STK3: variants seen among roughly 807,000 people sequenced by gnomAD.
The protein encoded by STK3 is serine/threonine-protein kinase 3.
In STK3, 41 loss-of-function variants were observed where a neutral mutation model predicts 58.0. That is an observed-to-expected ratio of 0.71 (90% CI 0.55 to 0.92). The LOEUF is 0.92. STK3 is among the 40% of genes least tolerant of loss of function. The pLI is 0.00. For missense variants in STK3, 479 were observed against 602.7 expected (o/e 0.79, Z 2.15); for synonymous variants, 170 against 191.0 (o/e 0.89, Z 0.91).
intron 1 of STK3, among the ~76,000 whole-genome samples, chr8:98,914,357 G>T (rs1839261043): frequency 6.6e-6 from 1 of 152,010 alleles, no homozygotes. Flanking sequence ...GCTGTGAGTT[G>T]TGATTGTGCC....
At chr8:98,540,781 T>C (rs1243358515) in intron 9 of STK3, among the ~76,000 whole-genome samples, 1 of 152,026 alleles carries the variant, frequency 6.6e-6, no homozygotes, top group Non-Finnish European at 1.5e-5. Context: ...AGTGCACTCT[T>C]TCGCAACTGG....
chr8:98,366,264 A>G (rs911942818), downstream of STK3, among the ~76,000 whole-genome samples: 9 of 152,182 alleles, frequency 5.9e-5, no homozygotes, highest in Non-Finnish European at 1.3e-4. Flanking sequence ...GGTATATTGG[A>G]CATTCAGGGT....
intron 10 of STK3, among the ~76,000 whole-genome samples, chr8:98,516,335 T>C (rs1824930531): frequency 1.3e-5 from 2 of 152,074 alleles, no homozygotes; most frequent in South Asian, 4.1e-4. Flanking sequence ...GGAAAATTCT[T>C]TAAAAAATGA....
chr8:98,641,853 CCA>C (rs1820044631), intron 6 of STK3, among the ~76,000 whole-genome samples: 1 of 152,132 alleles, frequency 6.6e-6, no homozygotes, highest in Non-Finnish European at 1.5e-5. Context: ...CACAGGCATT[CCA>C]ACCTGAGAAC....
intron 4 of STK3, among the ~76,000 whole-genome samples, chr8:98,718,267 T>G (rs1827168099): frequency 6.6e-6 from 1 of 152,158 alleles, no homozygotes; most frequent in Admixed American, 6.5e-5. Context: ...ATGCCTTGAT[T>G]CAAGAAAAAG....
At position 98,789,674 on chromosome 8, in the gene STK3, G is replaced by A. The variant is rs572105697; in HGVS notation, c.27-14855C>T. Among the ~76,000 whole-genome samples, 5 of 152,158 alleles carry A rather than the reference G, an allele frequency of 3.3e-5. No homozygotes were observed. In the East Asian group the frequency reaches 9.7e-4, roughly 29 times the overall value. ...ACCTAGAGGAGATAGATAAATTCCT[G>A]GAAAGATAAAACCTTCCTGGCTTAA... On this transcript the variant is annotated intron_variant, in intron 1 of 10. Transcript: ENST00000419617.
chr8:98,723,306 T>A (rs1457688781), intron 4 of STK3, among the ~76,000 whole-genome samples: 1 of 152,284 alleles, frequency 6.6e-6, no homozygotes, highest in Admixed American at 6.5e-5. Flanking sequence ...TGGTATGAAT[T>A]CACTGGCAAA....
At chr8:98,923,828 C>CGT (rs55929161) in intron 1 of STK3, among the ~76,000 whole-genome samples, 9,535 of 144,080 alleles carry the variant, frequency 0.066, 338 homozygotes, top group Middle Eastern at 0.11. Flanking sequence ...TTTGCAAAAA[C>CGT]GTGTGTGTGT....
chr8:98,760,288 T>C (rs1830537793), intron 3 of STK3, among the ~76,000 whole-genome samples: 2 of 152,104 alleles, frequency 1.3e-5, no homozygotes, highest in African/African-American at 4.8e-5. Flanking sequence ...ACTATAAACA[T>C]GCACACACCC....
rs28815265 is a variant in STK3 at position 98,717,190 on chromosome 8, T to A, written c.352-9879A>T. Among the ~76,000 whole-genome samples, 819 of 141,742 alleles carry A rather than the reference T, an allele frequency of 5.8e-3. 2 individuals carry two copies. Among genetic ancestry groups the A allele is most frequent in the Non-Finnish European group, 7.7e-3 (496 of 64,158 alleles). The allele number at this position is 141,742 out of a possible 152,430, so 93.0% of individuals were successfully genotyped here. A position where few individuals can be genotyped will look rare whatever the true frequency, so the allele number is the denominator to read the frequency against. ...CAGACAAATTGGACTTCATGAAAAT[T>A]AAAAAAAAAAACCTGTGCATCCCAA... On this transcript the variant is annotated intron_variant, in intron 4 of 10. Transcript: ENST00000419617.
At position 98,386,645 on chromosome 8, in the gene STK3, T is replaced by G. The variant is rs2131007368; in HGVS notation, n.56+1547A>C. ...GAAAAGCCAGGGATGCAAGCAAGAC[T>G]TCCCTCAATGTACCTTGTTTTATAG... On this transcript the variant is annotated intron_variant and non_coding_transcript_variant, in intron 1 of 2. Transcript: ENST00000518704. Among the ~76,000 whole-genome samples, 2 of 152,324 alleles carry G rather than the reference T, an allele frequency of 1.3e-5. 1 individual carries two copies. Among genetic ancestry groups the G allele is most frequent in the Middle Eastern group, 6.8e-3 (2 of 294 alleles).
chr8:98,846,342 G>A (rs1174300727), intron 3 of STK3, among the ~76,000 whole-genome samples: 2 of 152,212 alleles, frequency 1.3e-5, no homozygotes, highest in African/African-American at 4.8e-5. Context: ...GAATAGAGCT[G>A]ACTCTAGAAA....
In STK3 at chr8:98,413,721, T is replaced by TG; in HGVS notation, n.484-12209dup. 3 of 890,620 alleles carry TG rather than the reference T, an allele frequency of 3.4e-6. No homozygotes were observed. The South Asian group carries it at 4.0e-5, about 12-fold the overall frequency. 55.2% of individuals were successfully genotyped at this position (890,620 alleles called of 1,614,324 possible). On this transcript the variant is annotated intron_variant and non_coding_transcript_variant, in intron 3 of 3. Coordinates refer to the STK3 transcript ENST00000517832. ...TAGAAAAGCCACCGTTCTTTTCTGT[T>TG]GAAGAGTTGGCACCTTGGTCAGGTC... is the stretch of plus-strand genomic sequence containing the variant.
upstream of STK3, among the ~76,000 whole-genome samples, chr8:98,388,786 A>G (rs1817818282): frequency 6.6e-6 from 1 of 152,232 alleles, no homozygotes; most frequent in African/African-American, 2.4e-5. Context: ...CTGATTGACT[A>G]GTTGACAATA....
chr8:98,397,308 TGTTTGAATCCAGGA>T (rs1390506158), downstream of STK3, among the ~76,000 whole-genome samples: 1 of 152,178 alleles, frequency 6.6e-6, no homozygotes, highest in Non-Finnish European at 1.5e-5. Flanking sequence ...GTGGGAGGAT[TGTTTGAATCCAGGA>T]GTTCAAAACT....
intron 6 of STK3, among the ~76,000 whole-genome samples, chr8:98,627,500 A>AG (rs1818819777): frequency 6.6e-6 from 1 of 151,272 alleles, no homozygotes; most frequent in Non-Finnish European, 1.5e-5. Flanking sequence ...AAAAAAGAAA[A>AG]AAAAAAAAAA....
At chr8:98,656,655 G>A in intron 6 of STK3, among the ~76,000 whole-genome samples, 1 of 151,770 alleles carries the variant, frequency 6.6e-6, no homozygotes, top group East Asian at 1.9e-4. Flanking sequence ...TTCAGTTAAA[G>A]GCTATTAATT....
At chr8:98,893,512 GAAAGAAAGAA>G (rs1554697120) in intron 1 of STK3, among the ~76,000 whole-genome samples, 38 of 123,588 alleles carry the variant, frequency 3.1e-4, no homozygotes, top group African/African-American at 9.2e-4. Flanking sequence ...AAGAAAGAAA[GAAAGAAAGAA>G]AGAAAGAAAG....
At chr8:98,557,062 T>C (rs1219720308) in intron 8 of STK3, among the ~76,000 whole-genome samples, 1 of 152,082 alleles carries the variant, frequency 6.6e-6, no homozygotes, top group Admixed American at 6.6e-5. Flanking sequence ...TGAAATCTAA[T>C]TATTCATTTT....
Sources: allele counts gnomAD v4.1 joint callset (sites outside exome capture counted in the v4.1 genomes callset), GRCh38; gene constraint gnomAD v4.1.1; transcripts MANE v1.5; gene names NCBI Gene and HGNC (gene_info 2026-07-23, HGNC 2026-07-21).